The following CDH18 variants were observed in gnomAD, a reference collection of about 807,000 sequenced individuals.
CDH18 encodes the protein cadherin-18.
CDH18 carries 31 observed loss-of-function variants against 67.9 expected under a neutral mutation model. That is an observed-to-expected ratio of 0.46 (90% CI 0.34 to 0.62). The LOEUF is 0.62. Among genes scored for constraint, CDH18 ranks in the 20% least tolerant of loss-of-function variants. The probability of loss-of-function intolerance (pLI) is 0.01; values close to 1 mark genes in which losing one functional copy is unlikely to be tolerated. For missense variants in CDH18, 890 were observed against 975.5 expected (o/e 0.91, Z 1.17); for synonymous variants, 362 against 347.2 (o/e 1.04, Z -0.48).
chr5:19,561,461 G>A (rs757291876), intron 8 of CDH18, among the ~76,000 whole-genome samples: 7 of 152,078 alleles, frequency 4.6e-5, no homozygotes, highest in Admixed American at 2.0e-4. Context: ...TAAGCTATGA[G>A]GATGCAAAGG....
chr5:19,678,088 A>G (rs919725033), intron 5 of CDH18, among the ~76,000 whole-genome samples: 4 of 151,978 alleles, frequency 2.6e-5, no homozygotes, highest in African/African-American at 4.8e-5. Context: ...ATTAACAAAG[A>G]TATTTGAGAT....
chr5:19,515,278 G>A (rs559753177), intron 10 of CDH18, among the ~76,000 whole-genome samples: 200 of 152,204 alleles, frequency 1.3e-3, no homozygotes, highest in Non-Finnish European at 2.1e-3. Flanking sequence ...GTCAGGTAGC[G>A]TGATGCCTCC....
At chr5:19,783,013 T>C (rs1158600288) in intron 3 of CDH18, among the ~76,000 whole-genome samples, 1 of 152,182 alleles carries the variant, frequency 6.6e-6, no homozygotes, top group African/African-American at 2.4e-5. Context: ...CTTTGTGTAG[T>C]CTGAGACTTT....
chr5:20,321,449 C>A (rs114423502), intron 1 of CDH18, among the ~76,000 whole-genome samples: 21 of 151,686 alleles, frequency 1.4e-4, no homozygotes, highest in Non-Finnish European at 8.8e-5. Flanking sequence ...TAGCTTGGGA[C>A]GAATGGAAGG....
At chr5:20,120,961 G>T (rs1161551555) in intron 2 of CDH18, among the ~76,000 whole-genome samples, 1 of 151,968 alleles carries the variant, frequency 6.6e-6, no homozygotes, top group Non-Finnish European at 1.5e-5. Flanking sequence ...GTAAATTATT[G>T]CTGGGTGTCA....
intron 1 of CDH18, among the ~76,000 whole-genome samples, chr5:20,288,419 A>C (rs2126725182): frequency 6.7e-6 from 1 of 150,016 alleles, no homozygotes; most frequent in South Asian, 2.1e-4. Context: ...TGATGTATTT[A>C]GTTTCTAGTG....
chr5:20,459,593 C>G (rs530372223), intron 1 of CDH18, among the ~76,000 whole-genome samples: 176 of 152,260 alleles, frequency 1.2e-3, no homozygotes, highest in African/African-American at 4.1e-3. Flanking sequence ...GTGCCCTCCC[C>G]TAGACTTCCT....
chr5:20,090,173 A>G (rs1745299218), intron 2 of CDH18, among the ~76,000 whole-genome samples: 2 of 152,192 alleles, frequency 1.3e-5, no homozygotes, highest in African/African-American at 4.8e-5. Flanking sequence ...ATCTTTGAAA[A>G]AACTATTTGC....
chr5:19,852,470 G>A (rs186432654), intron 2 of CDH18, among the ~76,000 whole-genome samples: 15 of 152,028 alleles, frequency 9.9e-5, no homozygotes, highest in African/African-American at 2.7e-4. Context: ...TGAAGCATTC[G>A]CTTGTAGGTC....
chr5:19,792,599 T>C (rs1776474609), intron 3 of CDH18, among the ~76,000 whole-genome samples: 1 of 152,152 alleles, frequency 6.6e-6, no homozygotes, highest in African/African-American at 2.4e-5. Context: ...ATATATACTT[T>C]GGTTCAATTT....
chr5:19,510,066 T>C (rs1744878202), intron 10 of CDH18, among the ~76,000 whole-genome samples: 1 of 152,126 alleles, frequency 6.6e-6, no homozygotes, highest in South Asian at 2.1e-4. Flanking sequence ...GCATTCATAA[T>C]AGAAATATCC....
chr5:20,438,420 C>T (rs1749347577), intron 1 of CDH18, among the ~76,000 whole-genome samples: 1 of 151,302 alleles, frequency 6.6e-6, no homozygotes, highest in East Asian at 1.9e-4. Context: ...TAATATTCTG[C>T]AAAGATAGGT....
rs557328287 is a variant in CDH18, at chr5:19,473,319, T to G, written c.2280A>C (p.Ser760=). The G allele has an allele frequency of 2.9e-5, 47 of 1,613,804 alleles. No homozygotes were observed. Among genetic ancestry groups the G allele is most frequent in the Non-Finnish European group, 3.9e-5 (46 of 1,179,898 alleles). Residue 760 remains serine, a synonymous_variant, in exon 13 of 13, where the codon TCA becomes TCC. Transcript: ENST00000382275. ...ISSLDSATTQ[S]DQDYHYLGDW... is the part of the protein sequence containing the mutation. ...CTCCAAGGTAGTGATAATCCTGGTC[T>G]GATTGTGTCGTTGCTGAATCCAGCG...
chr5:20,084,120 G>A (rs961243850), intron 2 of CDH18, among the ~76,000 whole-genome samples: 1 of 152,116 alleles, frequency 6.6e-6, no homozygotes, highest in Non-Finnish European at 1.5e-5. Flanking sequence ...TTCCACCTAT[G>A]AGCCTGTTAT....
chr5:19,676,550 G>A (rs1026288000), intron 5 of CDH18, among the ~76,000 whole-genome samples: 7 of 152,072 alleles, frequency 4.6e-5, no homozygotes, highest in Middle Eastern at 3.4e-3. Context: ...TAATATTAAC[G>A]TGTTAATTGA....
At chr5:20,279,453 C>T (rs1312445297) in intron 1 of CDH18, among the ~76,000 whole-genome samples, 3 of 152,014 alleles carry the variant, frequency 2.0e-5, no homozygotes, top group South Asian at 2.1e-4. Flanking sequence ...AATTCCAGCA[C>T]TCTGGGAGGC....
At chr5:20,102,239 T>A (rs952848830) in intron 2 of CDH18, among the ~76,000 whole-genome samples, 2 of 151,876 alleles carry the variant, frequency 1.3e-5, no homozygotes, top group East Asian at 1.9e-4. Flanking sequence ...TGTGTGTGTG[T>A]GTGTGTGTGT....
chr5:19,771,071 T>C (rs1773673478), intron 3 of CDH18, among the ~76,000 whole-genome samples: 1 of 152,164 alleles, frequency 6.6e-6, no homozygotes, highest in Non-Finnish European at 1.5e-5. Flanking sequence ...ACTTTTGGGG[T>C]ACTTGGGTGA....
intron 2 of CDH18, among the ~76,000 whole-genome samples, chr5:20,176,032 G>A (rs944624697): frequency 6.6e-6 from 1 of 152,180 alleles, no homozygotes; most frequent in African/African-American, 2.4e-5. Context: ...AGCAGTTTAA[G>A]AGGAAAAGCC....
Sources: allele counts gnomAD v4.1 joint callset (sites outside exome capture counted in the v4.1 genomes callset), GRCh38; gene constraint gnomAD v4.1.1; transcripts MANE v1.5; gene names NCBI Gene and HGNC (gene_info 2026-07-23, HGNC 2026-07-21).